The following DMD variants were observed in gnomAD, a reference collection of about 807,000 sequenced individuals.
The protein encoded by DMD is dystrophin, also known as mutant dystrophin.
A neutral mutation model predicts 330.1 loss-of-function variants in DMD; 63 were observed. That is an observed-to-expected ratio of 0.19 (90% CI 0.16 to 0.24). DMD has a LOEUF of 0.24. Ranked by LOEUF, DMD falls within the 10% of genes least tolerant of loss-of-function variation. The probability of loss-of-function intolerance (pLI) is 1.00; values close to 1 mark genes in which losing one functional copy is unlikely to be tolerated. For synonymous variants in DMD, 1,223 were observed against 959.8 expected, an observed-to-expected ratio of 1.27 and a Z score of -5.07; for missense variants, 3,344 against 2,684.1, an observed-to-expected ratio of 1.25 and a Z score of -5.43.
chrX:32,125,518 G>A (rs773144537), intron 44 of DMD, among the ~76,000 whole-genome samples: 1 of 111,683 alleles, frequency 9.0e-6, no homozygotes, highest in East Asian at 2.8e-4. Context: ...ATTAGGCAGG[G>A]GGGTATGTAT....
intron 76 of DMD, among the ~76,000 whole-genome samples, chrX:31,138,624 G>GGAGA (rs1175532244): frequency 6.6e-4 from 39 of 58,746 alleles, no homozygotes; most frequent in East Asian, 1.2e-3. Context: ...CATGGCAGCA[G>GGAGA]GAGAGAGAGA....
upstream of DMD, among the ~76,000 whole-genome samples, chrX:33,216,509 C>G (rs34745510): frequency 2.7e-5 from 3 of 111,031 alleles, no homozygotes; most frequent in Non-Finnish European, 5.7e-5. Flanking sequence ...TGCTCACTAC[C>G]TGGGTGACTG....
At chrX:32,726,346 T>A (rs1254369873) in intron 7 of DMD, among the ~76,000 whole-genome samples, 1 of 111,360 alleles carries the variant, frequency 9.0e-6, no homozygotes, top group Non-Finnish European at 1.9e-5. Flanking sequence ...AAAACACACA[T>A]GTGGCAGCAC....
chrX:32,297,281 T>TA (rs1322197608), intron 42 of DMD, among the ~76,000 whole-genome samples: 2 of 107,651 alleles, frequency 1.9e-5, no homozygotes, highest in African/African-American at 6.8e-5. Context: ...ATTATTTATT[T>TA]ATTTATTTTG....
intron 2 of DMD, among the ~76,000 whole-genome samples, chrX:32,860,646 G>A (rs1355628015): frequency 3.6e-5 from 4 of 110,578 alleles, no homozygotes; most frequent in African/African-American, 9.9e-5. Context: ...ATTCTGTTGC[G>A]GAATAATATA....
intron 55 of DMD, among the ~76,000 whole-genome samples, chrX:31,521,737 A>G (rs932920616): frequency 1.8e-5 from 2 of 111,898 alleles, no homozygotes; most frequent in African/African-American, 6.5e-5. Flanking sequence ...TTTTAAATTT[A>G]GCAGAAAAAT....
chrX:32,549,461 T>A (rs747146485), intron 16 of DMD, among the ~76,000 whole-genome samples: 1 of 111,306 alleles, frequency 9.0e-6, no homozygotes, highest in Non-Finnish European at 1.9e-5. Flanking sequence ...TTGTTTTCAG[T>A]TTGCACTGGG....
chrX:32,981,135 AAAC>A (rs1371542776), intron 2 of DMD, among the ~76,000 whole-genome samples: 1 of 111,942 alleles, frequency 8.9e-6, no homozygotes, highest in Non-Finnish European at 1.9e-5. Context: ...TGGATATTTG[AAAC>A]AACAAGCAAG....
chrX:32,614,313 T>C lies in DMD; in HGVS notation c.1472A>G (p.Gln491Arg), dbSNP rs753993504. Residue 491 changes from glutamine (Q) to arginine (R), a missense_variant, in exon 12 of 79, where the codon CAA becomes CGA. Coordinates refer to ENST00000357033, the MANE Select transcript of DMD (RefSeq NM_004006.3). ...ATAAGATACACCTACCTTATGTTGT[T>C]GTACTTGGCGTTTTAGGTCTTCAAG... ...PDLEDLKRQV[Q>R]QHKVLQEDLE... 8.3e-6 allele frequency: 10 copies of C among 1,206,338 alleles called. No individual in the cohort carries two copies. The Admixed American group carries it at 1.1e-4, about 13-fold the overall frequency.
At chrX:32,917,167 C>T (rs866008100) in intron 2 of DMD, among the ~76,000 whole-genome samples, 1 of 100,241 alleles carries the variant, frequency 1.0e-5, no homozygotes, top group Non-Finnish European at 2.0e-5. Context: ...CTTCCCCCCC[C>T]CCCACATCCC....
At chrX:32,855,089 A>T (rs2081433901) in intron 2 of DMD, among the ~76,000 whole-genome samples, 1 of 112,097 alleles carries the variant, frequency 8.9e-6, no homozygotes, top group Non-Finnish European at 1.9e-5. Flanking sequence ...ATATCATTTC[A>T]ATAGATGCTG....
In DMD at chrX:33,296,390, C is replaced by T. The variant is rs193082795; in HGVS notation, c.7+42869G>A. On this transcript the variant is annotated intron_variant, in intron 1 of 17. Transcript: ENST00000288447. ...ATAAAAGGTAAAATCCCAAGAAAAC[C>T]TCTCAGAACTATTCACATTTTTGAA... is the stretch of plus-strand genomic sequence containing the variant. 8.6e-3 allele frequency among the ~76,000 whole-genome samples: 953 copies of T among 110,273 alleles called. 7 individuals are homozygous for T. Among genetic ancestry groups the T allele is most frequent in the Non-Finnish European group, 0.014 (710 of 52,468 alleles).
intron 16 of DMD, among the ~76,000 whole-genome samples, chrX:32,548,994 TTGATTA>T (rs1168176808): frequency 4.5e-5 from 5 of 112,142 alleles, no homozygotes; most frequent in African/African-American, 1.3e-4. Flanking sequence ...TTTCTTCATT[TTGATTA>T]TGAGTCTATT....
chrX:33,212,483 A>G (rs2051955569), upstream of DMD, among the ~76,000 whole-genome samples: 1 of 112,092 alleles, frequency 8.9e-6, no homozygotes, highest in Non-Finnish European at 1.9e-5. Flanking sequence ...TTTTTTAAAG[A>G]AAGATATTCT....
At position 32,902,146 on chromosome X, in the gene DMD, CACACACACACAA is replaced by C. The variant is rs1241924583; in HGVS notation, c.94-52338_94-52327del. ...AAATAAATTCCTCATAAGCAAGCATCACACACACACAAACACACACACACACACACACACACA... is the reference window on the plus strand; with the variant it reads ...AAATAAATTCCTCATAAGCAAGCATCACACACACACACACACACACACACA... On this transcript the variant is annotated intron_variant, in intron 2 of 78. Coordinates refer to ENST00000357033, the MANE Select transcript of DMD (RefSeq NM_004006.3). 4.4e-4 allele frequency among the ~76,000 whole-genome samples: 33 copies of C among 75,092 alleles called. 1 individual carries two copies. Among genetic ancestry groups the C allele is most frequent in the African/African-American group, 1.7e-3 (31 of 17,911 alleles). 65.2% of individuals were successfully genotyped at this position (75,092 alleles called of 115,157 possible). A position where few individuals can be genotyped will look rare whatever the true frequency, so the allele number is the denominator to read the frequency against.
At chrX:31,190,948 C>T (rs900808851) in intron 67 of DMD, among the ~76,000 whole-genome samples, 8 of 111,130 alleles carry the variant, frequency 7.2e-5, no homozygotes, top group South Asian at 3.9e-4. Context: ...ATTCAACTGC[C>T]GAAATGCCAC....
At chrX:32,895,733 G>C (rs780828571) in intron 2 of DMD, among the ~76,000 whole-genome samples, 1 of 111,403 alleles carries the variant, frequency 9.0e-6, no homozygotes. Flanking sequence ...TTTAAAAGCA[G>C]AACTGGAACA....
chrX:33,038,909 G>A (rs761398945), intron 1 of DMD, among the ~76,000 whole-genome samples: 5 of 111,310 alleles, frequency 4.5e-5, no homozygotes, highest in South Asian at 3.8e-4. Context: ...CAGGAGAATC[G>A]CATGAACCCA....
chrX:31,294,428 G>A lies in DMD; in HGVS notation c.9224+29170C>T, dbSNP rs183570943. Among the ~76,000 whole-genome samples, 135 of 112,232 alleles carry A rather than the reference G, an allele frequency of 1.2e-3. 1 individual carries two copies. The highest frequency in any genetic ancestry group is 1.4e-3 in the Admixed American group (15 of 10,628). On this transcript the variant is annotated intron_variant, in intron 62 of 78. Transcript: ENST00000357033. ...ATATATCCTCTACCCGAACATCCAT[G>A]GCATTAGAAAGACCATGGGATCAGG...
Sources: gnomAD v4.1 joint callset for allele counts (sites outside exome capture counted in the v4.1 genomes callset) on GRCh38, gnomAD v4.1.1 for gene constraint, MANE v1.5 for transcripts, NCBI Gene and HGNC (gene_info 2026-07-23, HGNC 2026-07-21) for gene names.